The following CLEC2B variants were observed in gnomAD, a reference collection of about 807,000 sequenced individuals.
CLEC2B encodes C-type (calcium dependent, carbohydrate-recognition domain) lectin, superfamily member 2 (activation-induced).
In CLEC2B, 14 loss-of-function variants were observed where a neutral mutation model predicts 16.2. The ratio of observed to expected loss-of-function variants is 0.86; its 90% CI spans 0.57 to 1.35. The LOEUF (loss-of-function observed/expected upper bound fraction) is 1.35. Ranked by LOEUF, CLEC2B falls within the 40% of genes most tolerant of loss-of-function variation. CLEC2B has a pLI of 0.00. For synonymous variants in CLEC2B, 42 were observed against 55.8 expected (o/e 0.75, Z 1.10); for missense variants, 166 against 182.3 (o/e 0.91, Z 0.52).
intron 2 of CLEC2B, among the ~76,000 whole-genome samples, chr12:9,860,777 T>C (rs1867927284): frequency 6.6e-6 from 1 of 151,814 alleles, no homozygotes; most frequent in Non-Finnish European, 1.5e-5. Context: ...TAGAGTAAAT[T>C]AATGTAATAA....
At chr12:9,868,140 T>A (rs1867985895) in intron 1 of CLEC2B, among the ~76,000 whole-genome samples, 1 of 149,752 alleles carries the variant, frequency 6.7e-6, no homozygotes, top group South Asian at 2.1e-4. Context: ...TTAAAATATA[T>A]TCATATGTAA....
intron 2 of CLEC2B, among the ~76,000 whole-genome samples, chr12:9,858,151 G>T (rs1181996230): frequency 6.6e-6 from 1 of 152,038 alleles, no homozygotes; most frequent in Non-Finnish European, 1.5e-5. Context: ...AGATTTGGAA[G>T]GTGGAAGTAA....
Position 9,857,506 on chromosome 12 carries a change from C to T in CLEC2B, c.205G>A (p.Asp69Asn), listed in dbSNP as rs377198013. The change falls in exon 3 of 5, where the codon GAC (aspartate) becomes AAC (asparagine). Residue 69 changes from aspartate to asparagine, a missense_variant. Asp to Asn is a conservative substitution (Grantham distance 23). Transcript: ENST00000228438. ...TCTATGTTGTCAATTATAGTTAGGT[C>T]GGCATGTTGAGTGGAACAGTTGTAT... ...SKYNCSTQHA[D>N]LTIIDNIEEM... is the part of the protein sequence containing the mutation. 64 of 1,609,880 alleles carry T rather than the reference C, an allele frequency of 4.0e-5. No homozygotes were observed. The highest frequency in any genetic ancestry group is 3.3e-4 in the Middle Eastern group (2 of 6,032).
At chr12:9,860,577 C>T (rs528738563) in intron 2 of CLEC2B, among the ~76,000 whole-genome samples, 3 of 151,852 alleles carry the variant, frequency 2.0e-5, no homozygotes, top group Non-Finnish European at 4.4e-5. Flanking sequence ...TGAAAATTGA[C>T]TATGGTTTAA....
At chr12:9,863,626 G>A (rs975453125) in intron 1 of CLEC2B, among the ~76,000 whole-genome samples, 12 of 152,138 alleles carry the variant, frequency 7.9e-5, no homozygotes, top group African/African-American at 2.9e-4. Context: ...AAATCAAAAA[G>A]TGATATTGGA....
intron 1 of CLEC2B, among the ~76,000 whole-genome samples, chr12:9,864,995 CA>C (rs1867959909): frequency 6.6e-6 from 1 of 151,928 alleles, no homozygotes; most frequent in Non-Finnish European, 1.5e-5. Flanking sequence ...CTAGCCTGTC[CA>C]ACATAACGAA....
chr12:9,867,895 C>T lies in CLEC2B; in HGVS notation c.-3+1310G>A, dbSNP rs891005476. Among the ~76,000 whole-genome samples, 8 of 151,996 alleles carry T rather than the reference C, an allele frequency of 5.3e-5. No homozygotes were observed. In the East Asian group the frequency reaches 1.5e-3, roughly 29 times the overall value. ...GAAAGATAAGAAAGATGCAGAGTGA[C>T]CAATGCATTTAAAATCAAACAGAAT... On this transcript the variant is annotated intron_variant, in intron 1 of 4. Transcript: ENST00000228438.
chr12:9,861,281 CCAT>C (rs1209868107), intron 2 of CLEC2B, among the ~76,000 whole-genome samples: 12 of 152,000 alleles, frequency 7.9e-5, no homozygotes, highest in African/African-American at 2.9e-4. Flanking sequence ...TGAAACATTC[CCAT>C]CACAAAATAT....
At chr12:9,863,932 G>A (rs1342842740) in intron 1 of CLEC2B, among the ~76,000 whole-genome samples, 2 of 152,012 alleles carry the variant, frequency 1.3e-5, no homozygotes, top group East Asian at 1.9e-4. Flanking sequence ...AAGAGATAAA[G>A]ATTCAGGCAG....
chr12:9,855,403 C>T (rs33872), intron 3 of CLEC2B, among the ~76,000 whole-genome samples: 82,507 of 151,754 alleles, frequency 0.54, 22,588 homozygotes, highest in African/African-American at 0.57. Context: ...CATTGTCCTA[C>T]ATTCAAAGGC....
At chr12:9,855,383 T>C (rs1867888047) in intron 3 of CLEC2B, among the ~76,000 whole-genome samples, 1 of 152,010 alleles carries the variant, frequency 6.6e-6, no homozygotes, top group Non-Finnish European at 1.5e-5. Context: ...AATAAACAGA[T>C]TAATAAAAAC....
chr12:9,859,225 A>C (rs1461396944), intron 2 of CLEC2B, among the ~76,000 whole-genome samples: 1 of 152,014 alleles, frequency 6.6e-6, no homozygotes, highest in Non-Finnish European at 1.5e-5. Flanking sequence ...CCTACCTTAC[A>C]AAGTTAATAA....
intron 1 of CLEC2B, among the ~76,000 whole-genome samples, chr12:9,866,454 A>G (rs10772219): frequency 0.4 from 60,819 of 151,696 alleles, 12,481 homozygotes; most frequent in East Asian, 0.54. Context: ...ATTAACTAGT[A>G]CCACTTCTAT....
intron 2 of CLEC2B, among the ~76,000 whole-genome samples, chr12:9,857,966 G>C (rs1867907000): frequency 6.6e-6 from 1 of 152,028 alleles, no homozygotes; most frequent in African/African-American, 2.4e-5. Context: ...TTACCTAAGA[G>C]TAATACAAGT....
rs1867861539 is a variant in CLEC2B, at chr12:9,853,088, AG to A, written c.*211del. On this transcript the variant is annotated 3_prime_UTR_variant, in exon 5 of 5. Transcript: ENST00000228438. ...AAGAAAGAAAGAAAGAAAGAAAGAG[AG>A]AGAGAGAAAGAAAGAAAGAAAAAAA... is the stretch of plus-strand genomic sequence containing the variant. The A allele has an allele frequency of 6.4e-4, 279 of 437,570 alleles. No individual in the cohort carries two copies. Among genetic ancestry groups the A allele is most frequent in the South Asian group, 7.3e-4 (23 of 31,524 alleles). The allele number at this position is 437,570 out of a possible 1,614,324, so 27.1% of individuals were successfully genotyped here.
In CLEC2B at chr12:9,861,421, A is replaced by G. The variant is rs79673772; in HGVS notation, c.73+1078T>C. 8.6e-3 allele frequency among the ~76,000 whole-genome samples: 1,302 copies of G among 152,188 alleles called. 21 individuals carry two copies. The highest frequency in any genetic ancestry group is 0.029 in the African/African-American group (1,223 of 41,552). On this transcript the variant is annotated intron_variant, in intron 2 of 4. Coordinates refer to ENST00000228438, the MANE Select transcript of CLEC2B (RefSeq NM_005127.3). ...ATGGCAAAAATTGATAAAACCAACA[A>G]TAAAGTATTGACATGGCATGGAGCA...
chr12:9,853,217 C>A lies in CLEC2B; in HGVS notation c.*83G>T. The A allele has an allele frequency of 9.1e-7, 1 of 1,104,134 alleles. No individual in the cohort carries two copies. The highest frequency in any genetic ancestry group is 1.3e-6 in the Non-Finnish European group (1 of 747,012). 68.4% of individuals were successfully genotyped at this position (1,104,134 alleles called of 1,614,324 possible). ...TAACCAGACAGGTACAAAACTCGAA[C>A]TTTGTTTAATTAAAAAAGTACTTTG... On this transcript the variant is annotated 3_prime_UTR_variant, in exon 5 of 5. Transcript: ENST00000228438.
At chr12:9,861,807 A>G (rs533059814) in intron 2 of CLEC2B, among the ~76,000 whole-genome samples, 2 of 152,180 alleles carry the variant, frequency 1.3e-5, no homozygotes, top group Non-Finnish European at 2.9e-5. Context: ...ATAATTAAAA[A>G]TGAACAATAT....
intron 2 of CLEC2B, among the ~76,000 whole-genome samples, chr12:9,860,038 A>C (rs1206243463): frequency 6.6e-6 from 1 of 151,700 alleles, no homozygotes; most frequent in East Asian, 1.9e-4. Flanking sequence ...GAATATCTGC[A>C]AATACTACTA....
Sources: allele counts gnomAD v4.1 joint callset (sites outside exome capture counted in the v4.1 genomes callset), GRCh38; gene constraint gnomAD v4.1.1; transcripts MANE v1.5; gene names NCBI Gene and HGNC (gene_info 2026-07-23, HGNC 2026-07-21).